Variants in ZNF345 observed in about 807,000 individuals in gnomAD.
ZNF345 encodes the protein zinc finger protein 345.
For synonymous variants in ZNF345, 166 were observed against 187.9 expected (o/e 0.88, Z 0.95); for missense variants, 527 against 589.9 (o/e 0.89, Z 1.10).
At chr19:36,870,701 T>C (rs2072754659) in intron 2 of ZNF345, among the ~76,000 whole-genome samples, 1 of 152,210 alleles carries the variant, frequency 6.6e-6, no homozygotes, top group East Asian at 1.9e-4. Context: ...GCCATTTTCA[T>C]TCCTGGTCTT....
chr19:36,889,469 C>T (rs114111516), intron 3 of ZNF345: 13 of 152,186 alleles, frequency 8.5e-5, no homozygotes, highest in African/African-American at 3.1e-4. Context: ...GATTCAATTT[C>T]AATACTCAGT....
Position 36,866,123 on chromosome 19 carries a change from T to C in ZNF345, c.-46-10662T>C, listed in dbSNP as rs1472425908. On this transcript the variant is annotated intron_variant, in intron 2 of 2. Coordinates refer to ENST00000420450, the MANE Select transcript of ZNF345 (RefSeq NM_001242472.2). ...ATATTAGCCCAAAATTATTCTCTCT[T>C]CATATTTAGTATTTTGTCTTATTTG... Among the ~76,000 whole-genome samples the C allele has an allele frequency of 3.9e-5, 6 of 152,252 alleles. No individual in the cohort carries two copies. The East Asian group carries it at 9.6e-4, about 24-fold the overall frequency.
chr19:36,865,818 A>G (rs1016165328), intron 2 of ZNF345, among the ~76,000 whole-genome samples: 7 of 152,184 alleles, frequency 4.6e-5, no homozygotes, highest in Non-Finnish European at 1.0e-4. Context: ...GGTGCTGTTC[A>G]TCAGAATGAG....
At chr19:36,873,378 T>C (rs545731384) in intron 2 of ZNF345, among the ~76,000 whole-genome samples, 2 of 152,290 alleles carry the variant, frequency 1.3e-5, no homozygotes, top group Non-Finnish European at 2.9e-5. Flanking sequence ...TGTTTTTGTA[T>C]ATATTTAAGA....
In ZNF345 at chr19:36,877,332, C is replaced by T; in HGVS notation, c.502C>T (p.His168Tyr). The change falls in exon 3 of 3, where the codon CAC (histidine) becomes TAC (tyrosine). Residue 168 changes from histidine to tyrosine, a missense_variant. Physicochemically the swap from His to Tyr is moderately conservative, Grantham distance 83. Coordinates refer to ENST00000420450, the MANE Select transcript of ZNF345 (RefSeq NM_001242472.2). ...AGGCCTTATTCGACATCAGATCATT[C>T]ACAGTGGTGAGAAGCCTTATGAGTG... ...GSGLIRHQII[H>Y]SGEKPYECKE... 1 of 1,613,982 alleles carries T rather than the reference C, an allele frequency of 6.2e-7. No individual in the cohort carries two copies. Among genetic ancestry groups the T allele is most frequent in the Non-Finnish European group, 8.5e-7 (1 of 1,180,022 alleles).
chr19:36,886,822 C>A (rs1228464240), intron 3 of ZNF345, among the ~76,000 whole-genome samples: 1 of 149,136 alleles, frequency 6.7e-6, no homozygotes, highest in Non-Finnish European at 1.5e-5. Flanking sequence ...CCCGTCTCTA[C>A]TAAAAAAAAA....
At chr19:36,866,139 G>A (rs1221194527) in intron 2 of ZNF345, among the ~76,000 whole-genome samples, 1 of 151,860 alleles carries the variant, frequency 6.6e-6, no homozygotes, top group Non-Finnish European at 1.5e-5. Context: ...TTAGTATTTT[G>A]TCTTATTTGG....
At chr19:36,876,760 T>C in intron 2 of ZNF345, 25 bp from the exon 3 acceptor site, 4 of 1,442,110 alleles carry the variant, frequency 2.8e-6, no homozygotes, top group Non-Finnish European at 3.7e-6. Context: ...AAAAAGTGAA[T>C]GTTTGCTTTT....
Position 36,877,753 on chromosome 19 carries a change from A to T in ZNF345, c.923A>T (p.His308Leu), listed in dbSNP as rs2072918725. 1 of 1,614,158 alleles carries T rather than the reference A, an allele frequency of 6.2e-7. No individual in the cohort carries two copies. Among genetic ancestry groups the T allele is most frequent in the Non-Finnish European group, 8.5e-7 (1 of 1,180,006 alleles). Reference protein sequence around the residue: ...GSDLTQHQRIHTGEKPYECKE... With the variant: ...GSDLTQHQRILTGEKPYECKE... ...GATCTCACTCAGCATCAGAGAATTCACACTGGTGAGAAACCCTATGAGTGT... is the reference window on the plus strand; with the variant it reads ...GATCTCACTCAGCATCAGAGAATTCTCACTGGTGAGAAACCCTATGAGTGT... The change falls in exon 3 of 3, where the codon CAC (histidine) becomes CTC (leucine). Residue 308 changes from histidine to leucine, a missense_variant. Transcript: ENST00000420450.
intron 3 of ZNF345, chr19:36,890,422 T>A (rs2073038679): frequency 6.6e-6 from 1 of 152,242 alleles, no homozygotes; most frequent in Non-Finnish European, 1.5e-5. Flanking sequence ...TAGTAGTATC[T>A]GTGTTATGGA....
chr19:36,852,128 C>CTTTTTTTTTTTTTTTTTTTTTTTTTTTT (rs35747733), intron 2 of ZNF345, among the ~76,000 whole-genome samples: 1 of 102,704 alleles, frequency 9.7e-6, no homozygotes, highest in African/African-American at 3.9e-5. Context: ...TTCTTTCTTT[C>CTTTTTTTTTTTTTTTTTTTTTTTTTTTT]TTTTTTTTTT....
intron 2 of ZNF345, among the ~76,000 whole-genome samples, chr19:36,869,806 G>T (rs772901453): frequency 8.3e-5 from 12 of 144,488 alleles, no homozygotes; most frequent in East Asian, 2.1e-4. Flanking sequence ...CTGTCGCCCC[G>T]GCTGGAATGC....
At chr19:36,853,808 CTG>C (rs1386535027) in intron 2 of ZNF345, among the ~76,000 whole-genome samples, 4 of 152,332 alleles carry the variant, frequency 2.6e-5, no homozygotes, top group African/African-American at 9.6e-5. Context: ...GTCTTACTCA[CTG>C]TAACTTTGTA....
intron 2 of ZNF345, among the ~76,000 whole-genome samples, chr19:36,868,792 A>G (rs992027423): frequency 1.3e-5 from 2 of 150,880 alleles, no homozygotes; most frequent in South Asian, 2.1e-4. Flanking sequence ...CGCCCAGCTA[A>G]TTTTTTTACT....
chr19:36,855,612 C>G (rs1356074749), intron 2 of ZNF345, among the ~76,000 whole-genome samples: 1 of 151,954 alleles, frequency 6.6e-6, no homozygotes, highest in Non-Finnish European at 1.5e-5. Context: ...GCCACCACGC[C>G]TGGCTAATTT....
chr19:36,891,737 A>T lies in ZNF345; in HGVS notation c.47-1081A>T, dbSNP rs1024427937. 6.2e-7 allele frequency: 1 copy of T among 1,614,160 alleles called. No individual in the cohort carries two copies. Among genetic ancestry groups the T allele is most frequent in the Admixed American group, 1.7e-5 (1 of 60,026 alleles). On this transcript the variant is annotated intron_variant, in intron 3 of 3. Coordinates refer to the ZNF345 transcript ENST00000526123. ...GCCTTTCTACATTCTTCACATTCAT[A>T]GAGCTTCTCACCAGCATGAATTCTG...
chr19:36,877,689 G>A lies in ZNF345; in HGVS notation c.859G>A (p.Val287Ile), dbSNP rs1183749578. The A allele has an allele frequency of 6.2e-7, 1 of 1,614,144 alleles. No homozygotes were observed. Among genetic ancestry groups the A allele is most frequent in the Non-Finnish European group, 8.5e-7 (1 of 1,180,010 alleles). ...QRIHTGEKPY[V>I]CKECGKAFNS... ...AATTCATACTGGTGAGAAACCTTAT[G>A]TATGTAAGGAATGTGGGAAGGCTTT... The change falls in exon 3 of 3, where the codon GTA (valine) becomes ATA (isoleucine). Residue 287 changes from valine to isoleucine, a missense_variant. Val to Ile is a conservative substitution (Grantham distance 29). Coordinates refer to ENST00000420450, the MANE Select transcript of ZNF345 (RefSeq NM_001242472.2).
chr19:36,870,424 G>C (rs1305909272), intron 2 of ZNF345, among the ~76,000 whole-genome samples: 1 of 151,820 alleles, frequency 6.6e-6, no homozygotes, highest in Non-Finnish European at 1.5e-5. Flanking sequence ...TATTACTCTA[G>C]AATTCTATCT....
chr19:36,860,514 CTCTT>C lies in ZNF345; in HGVS notation c.-47+8612_-47+8615del, dbSNP rs1253837383. On this transcript the variant is annotated intron_variant, in intron 2 of 2. Transcript: ENST00000420450. The stretch of plus-strand genomic sequence containing the variant: ...TTCTTTAATCTGGAAGAGTTGCTCT[CTCTT>C]TGTCTTTCATGATCTTGGAATTTTT... 2.0e-5 allele frequency among the ~76,000 whole-genome samples: 3 copies of C among 152,128 alleles called. No homozygotes were observed. In the South Asian group the frequency reaches 6.2e-4, roughly 32 times the overall value.
Sources: allele counts gnomAD v4.1 joint callset (sites outside exome capture counted in the v4.1 genomes callset), GRCh38; gene constraint gnomAD v4.1.1; transcripts MANE v1.5; gene names NCBI Gene and HGNC (gene_info 2026-07-23, HGNC 2026-07-21).